CD33: variants seen among roughly 807,000 people sequenced by gnomAD.
The protein encoded by CD33 is CD33 molecule, also known as myeloid cell surface antigen CD33.
A neutral mutation model predicts 31.4 loss-of-function variants in CD33; 25 were observed. The ratio of observed to expected loss-of-function variants is 0.80; its 90% CI spans 0.58 to 1.11. The LOEUF is 1.11. Among genes scored for constraint, CD33 ranks in the 50% most tolerant of loss-of-function variants. The pLI is 0.00. For missense variants in CD33, 407 were observed against 448.1 expected (o/e 0.91, Z 0.83); for synonymous variants, 176 against 180.6 (o/e 0.97, Z 0.20).
At chr19:51,211,404 A>G in the CD33 span, 1 of 1,568,690 alleles carries the variant, frequency 6.4e-7, no homozygotes, top group Non-Finnish European at 8.7e-7. Context: ...CAAACAAGCT[A>G]GATCAAGAAG....
At chr19:51,213,905 G>C in the CD33 span, among the ~76,000 whole-genome samples, 1 of 145,992 alleles carries the variant, frequency 6.8e-6, no homozygotes, top group South Asian at 2.2e-4. Context: ...TGTCGCCCAG[G>C]CTTGACTGCA....
At chr19:51,231,805 C>A (rs904809021) in intron 4 of CD33, among the ~76,000 whole-genome samples, 24 of 151,780 alleles carry the variant, frequency 1.6e-4, no homozygotes, top group Admixed American at 1.6e-3. Flanking sequence ...GTCGCCCAGG[C>A]AGGAGTGCAG....
the CD33 span, chr19:51,211,919 T>A: frequency 3.5e-6 from 5 of 1,433,938 alleles, no homozygotes; most frequent in African/African-American, 5.6e-5. Context: ...GGATGTCAGC[T>A]GCCCCCATCT....
upstream of CD33, among the ~76,000 whole-genome samples, chr19:51,221,274 C>CACAATATTT (rs1259564434): frequency 1.1e-5 from 1 of 93,830 alleles, no homozygotes; most frequent in African/African-American, 4.8e-5. Context: ...CAAGAATGAA[C>CACAATATTT]TAACACAATA....
chr19:51,214,417 C>T, the CD33 span, among the ~76,000 whole-genome samples: 390 of 150,262 alleles, frequency 2.6e-3, no homozygotes, highest in African/African-American at 9.4e-3. Flanking sequence ...AGGCTGGTCT[C>T]GAATTTCTGA....
Position 51,231,603 on chromosome 19 carries a change from GT to G in CD33, c.746-3540del, listed in dbSNP as rs774556770. On this transcript the variant is annotated intron_variant, in intron 4 of 6. Coordinates refer to ENST00000262262, the MANE Select transcript of CD33 (RefSeq NM_001772.4). ...TTGTTTCTTTTTGTGGTTGGCTGAT[GT>G]TTTTTTTTTTTTTGTAGTGATAAGA... Among the ~76,000 whole-genome samples the G allele has an allele frequency of 6.4e-3, 793 of 123,216 alleles. 4 individuals carry two copies. Among genetic ancestry groups the G allele is most frequent in the African/African-American group, 0.026 (660 of 25,058 alleles). The allele number at this position is 123,216 out of a possible 152,430, so 80.8% of individuals were successfully genotyped here. A position where few individuals can be genotyped will look rare whatever the true frequency, so the allele number is the denominator to read the frequency against.
chr19:51,225,904 C>G lies in CD33; in HGVS notation c.520C>G (p.Pro174Ala). The change falls in exon 3 of 7, where the codon CCC (proline) becomes GCC (alanine). Residue 174 changes from proline to alanine, a missense_variant. By Grantham distance (27) the Pro-to-Ala change is conservative (BLOSUM62 -1). Coordinates refer to ENST00000262262, the MANE Select transcript of CD33 (RefSeq NM_001772.4). ...SVSWACEQGT[P>A]PIFSWLSAAP... is the part of the protein sequence containing the mutation. ...GTCCTGGGCCTGTGAGCAGGGAACA[C>G]CCCCGATCTTCTCCTGGTTGTCAGC... 1 of 1,614,030 alleles carries G rather than the reference C, an allele frequency of 6.2e-7. No homozygotes were observed. The highest frequency in any genetic ancestry group is 1.1e-5 in the South Asian group (1 of 91,080).
At chr19:51,229,142 T>G (rs1981235752) in intron 4 of CD33, among the ~76,000 whole-genome samples, 1 of 152,216 alleles carries the variant, frequency 6.6e-6, no homozygotes, top group South Asian at 2.1e-4. Context: ...CTGCAACTAT[T>G]TAGGTGATCA....
the CD33 span, among the ~76,000 whole-genome samples, chr19:51,218,378 G>C: frequency 1.3e-5 from 2 of 151,954 alleles, no homozygotes; most frequent in South Asian, 4.1e-4. Context: ...GGGATTTTTT[G>C]TTTTTTATTA....
At chr19:51,213,139 G>C in the CD33 span, among the ~76,000 whole-genome samples, 1 of 152,186 alleles carries the variant, frequency 6.6e-6, no homozygotes, top group African/African-American at 2.4e-5. Context: ...ATTCCCAAAA[G>C]TAAGGGGTCA....
At chr19:51,224,933 C>A, upstream of CD33, 1 of 720,240 alleles carries the variant, frequency 1.4e-6, no homozygotes, top group South Asian at 1.7e-5. Context: ...GCATCTCTGG[C>A]CCATGAGGGT....
intron 4 of CD33, 124 bp downstream of exon 4, chr19:51,226,480 T>G (rs1401134300): frequency 4.3e-5 from 33 of 771,498 alleles, no homozygotes; most frequent in Non-Finnish European, 6.0e-5. Flanking sequence ...CGGGTAGACA[T>G]CAGGCACCTT....
intron 3 of CD33, 52 bp from the exon 4 acceptor site, chr19:51,226,257 C>T: frequency 6.4e-7 from 1 of 1,571,838 alleles, no homozygotes; most frequent in Non-Finnish European, 8.8e-7. Flanking sequence ...AAATGCCTAC[C>T]CTTATCTCAT....
the CD33 span, chr19:51,211,768 C>A: frequency 1.3e-6 from 1 of 785,102 alleles, no homozygotes; most frequent in Non-Finnish European, 2.2e-6. Context: ...CCTTCCTGAT[C>A]CTGCATCCCC....
upstream of CD33, among the ~76,000 whole-genome samples, chr19:51,223,681 G>T (rs906027961): frequency 1.3e-5 from 2 of 152,180 alleles, no homozygotes; most frequent in Non-Finnish European, 2.9e-5. Flanking sequence ...GAATGGAAAA[G>T]AAGTTTTTTC....
intron 6 of CD33, chr19:51,236,183 A>T: frequency 3.1e-6 from 1 of 326,056 alleles, no homozygotes; most frequent in Non-Finnish European, 6.0e-6. Context: ...ATAGTTTCTT[A>T]TTCACCGTTC....
the CD33 span, among the ~76,000 whole-genome samples, chr19:51,214,117 C>T: frequency 2.0e-5 from 3 of 151,368 alleles, no homozygotes; most frequent in African/African-American, 7.3e-5. Context: ...GCCTCGGCCT[C>T]CCAAAGTGCT....
intron 4 of CD33, among the ~76,000 whole-genome samples, chr19:51,234,765 A>G (rs1981658370): frequency 6.6e-6 from 1 of 152,160 alleles, no homozygotes; most frequent in African/African-American, 2.4e-5. Flanking sequence ...TTTGACCCTA[A>G]GTGATGGGGC....
the CD33 span, among the ~76,000 whole-genome samples, chr19:51,214,888 T>C: frequency 6.6e-6 from 1 of 152,224 alleles, no homozygotes; most frequent in East Asian, 1.9e-4. Flanking sequence ...AGTCAGGGCA[T>C]GGTTTATGGT....
Sources: gnomAD v4.1 joint callset for allele counts (sites outside exome capture counted in the v4.1 genomes callset) on GRCh38, gnomAD v4.1.1 for gene constraint, MANE v1.5 for transcripts, NCBI Gene and HGNC (gene_info 2026-07-23, HGNC 2026-07-21) for gene names.